Variants in WNT9A observed in about 807,000 individuals in gnomAD.
WNT9A encodes Wnt family member 9A, also known as protein Wnt-9a.
Under a neutral mutation model 31.4 loss-of-function variants are expected in WNT9A, and 8 were observed. The observed-to-expected ratio is 0.26, with a 90% CI of 0.15 to 0.46. The LOEUF is 0.46. WNT9A is among the 20% of genes least tolerant of loss of function. WNT9A has a pLI of 0.99. For synonymous variants in WNT9A, 236 were observed against 220.1 expected, an observed-to-expected ratio of 1.07 and a Z score of -0.64; for missense variants, 457 against 522.9, an observed-to-expected ratio of 0.87 and a Z score of 1.23.
intron 1 of WNT9A, chr1:227,941,579 A>G (rs1454503797): frequency 6.5e-6 from 1 of 154,310 alleles, no homozygotes; most frequent in Admixed American, 6.5e-5. Flanking sequence ...TCCTGCAAGA[A>G]GCAGCAGCTG....
intron 1 of WNT9A, among the ~76,000 whole-genome samples, chr1:227,944,068 CA>C: frequency 6.6e-6 from 1 of 152,110 alleles, no homozygotes; most frequent in East Asian, 1.9e-4. Flanking sequence ...CACACACACA[CA>C]AAACCTCACA....
Position 227,921,853 on chromosome 1 carries a change from T to C in WNT9A, c.763A>G (p.Ser255Gly), listed in dbSNP as rs1227290906. The C allele has an allele frequency of 1.2e-6, 2 of 1,613,010 alleles. No homozygotes were observed. The highest frequency in any genetic ancestry group is 1.3e-5 in the African/African-American group (1 of 74,928). The change falls in exon 4 of 4, where the codon AGC becomes GGC. Residue 255 changes from serine to glycine, a missense_variant. Transcript: ENST00000272164. ...HKYETALKVG[S>G]TTNEAAGEAG... ...TCGCCGGCAGCTTCATTGGTGGTGCTGCCCACCTTGAGTGCCGTCTCATAC... is the reference window on the plus strand; with the variant it reads ...TCGCCGGCAGCTTCATTGGTGGTGCCGCCCACCTTGAGTGCCGTCTCATAC...
chr1:227,924,002 C>G, intron 3 of WNT9A, 136 bp downstream of exon 3: 2 of 1,254,524 alleles, frequency 1.6e-6, no homozygotes, highest in Non-Finnish European at 2.2e-6. Flanking sequence ...CGGCCTCCAC[C>G]CTCCTACAGG....
At chr1:227,945,734 CT>C (rs1666784162) in intron 1 of WNT9A, among the ~76,000 whole-genome samples, 1 of 152,162 alleles carries the variant, frequency 6.6e-6, no homozygotes. Context: ...GGGCCACCCC[CT>C]GCCTTTGCTG....
At position 227,925,675 on chromosome 1, in the gene WNT9A, C is replaced by T. The variant is rs1666410303; in HGVS notation, c.96-156G>A. Among the ~76,000 whole-genome samples, 1 of 152,088 alleles carries T rather than the reference C, an allele frequency of 6.6e-6. No homozygotes were observed. Among genetic ancestry groups the T allele is most frequent in the Non-Finnish European group, 1.5e-5 (1 of 67,984 alleles). On this transcript the variant is annotated intron_variant, in intron 1 of 3. Transcript: ENST00000272164. The surrounding 1 kb of genome is among the most constrained non-coding windows in gnomAD (Gnocchi z 6.0). ...ATGAGCCAGGCAGGGGAGAGGGAGGCGAGAAGGGCCTTGGCCCCCTGCACA... is the reference window on the plus strand; with the variant it reads ...ATGAGCCAGGCAGGGGAGAGGGAGGTGAGAAGGGCCTTGGCCCCCTGCACA...
Position 227,921,802 on chromosome 1 carries a change from C to A in WNT9A, c.814G>T (p.Gly272Cys), listed in dbSNP as rs1023767938. The A allele has an allele frequency of 3.1e-6, 5 of 1,612,642 alleles. No individual in the cohort carries two copies. Among genetic ancestry groups the A allele is most frequent in the Non-Finnish European group, 3.4e-6 (4 of 1,179,806 alleles). Residue 272 changes from glycine to cysteine, a missense_variant, in exon 4 of 4, where the codon GGC becomes TGC. Coordinates refer to ENST00000272164, the MANE Select transcript of WNT9A (RefSeq NM_003395.4). ...GEAGAISPPR[G>C]RASGAGGSDP... The stretch of plus-strand genomic sequence containing the variant: ...CTGCCACCTGCCCCCGAGGCACGGC[C>A]CCGTGGTGGGGAGATGGCACCTGCC...
intron 1 of WNT9A, among the ~76,000 whole-genome samples, chr1:227,946,641 G>C (rs989191586): frequency 1.7e-4 from 26 of 152,256 alleles, no homozygotes; most frequent in African/African-American, 5.3e-4. Context: ...AAGAAAGGGA[G>C]AGAAAGAAAA....
intron 2 of WNT9A, among the ~76,000 whole-genome samples, chr1:227,924,876 G>A (rs963710362): frequency 6.6e-6 from 1 of 152,326 alleles, no homozygotes; most frequent in South Asian, 2.1e-4. Flanking sequence ...TGGGAGGGTG[G>A]CTGAAATAAG....
In WNT9A at chr1:227,921,623, C is replaced by T; in HGVS notation, c.993G>A (p.Gln331=). The T allele has an allele frequency of 6.2e-7, 1 of 1,613,468 alleles. No individual in the cohort carries two copies. Among genetic ancestry groups the T allele is most frequent in the East Asian group, 2.2e-5 (1 of 44,870 alleles). The change falls in exon 4 of 4, where the codon CAG becomes CAA. Residue 331 remains glutamine, a synonymous_variant. Coordinates refer to ENST00000272164, the MANE Select transcript of WNT9A (RefSeq NM_003395.4). ...GGCAGGGCCTTGTCACCACCCGGCT[C>T]TGTGTGTTATGGCCGCGGCCACAGC... The part of the protein sequence containing the change: ...SICCGRGHNT[Q]SRVVTRPCQC...
At chr1:227,937,225 G>C (rs187502520) in intron 1 of WNT9A, among the ~76,000 whole-genome samples, 1 of 152,206 alleles carries the variant, frequency 6.6e-6, no homozygotes, top group African/African-American at 2.4e-5. Flanking sequence ...CCTTCCTAGA[G>C]GCAGAGTGAG....
rs1337303400 is a variant in WNT9A at position 227,926,716 on chromosome 1, A to C, written c.96-1197T>G. ...TCACTGGACACATGACGACCAACCC[A>C]CCCCCAGCAGAGAACGGCAGACTCA... On this transcript the variant is annotated intron_variant, in intron 1 of 3. Coordinates refer to ENST00000272164, the MANE Select transcript of WNT9A (RefSeq NM_003395.4). This position sits in a 1 kb window ranked among gnomAD's most constrained non-coding sequence, Gnocchi z 5.0. 6.6e-6 allele frequency among the ~76,000 whole-genome samples: 1 copy of C among 150,786 alleles called. No individual in the cohort carries two copies. Among genetic ancestry groups the C allele is most frequent in the Non-Finnish European group, 1.5e-5 (1 of 67,728 alleles).
intron 3 of WNT9A, among the ~76,000 whole-genome samples, chr1:227,923,491 G>C (rs1418547440): frequency 6.6e-6 from 1 of 152,198 alleles, no homozygotes; most frequent in African/African-American, 2.4e-5. Context: ...CAGAGAGCCA[G>C]GGTCACCCCG....
At chr1:227,924,494 A>G in intron 2 of WNT9A, 94 bp from the exon 3 acceptor site, 1 of 1,471,670 alleles carries the variant, frequency 6.8e-7, no homozygotes, top group East Asian at 2.4e-5. Context: ...TATGAATCCC[A>G]TGTTGGGGCT....
At chr1:227,922,502 C>T (rs536084600) in intron 3 of WNT9A, among the ~76,000 whole-genome samples, 13 of 152,358 alleles carry the variant, frequency 8.5e-5, no homozygotes, top group Admixed American at 1.3e-4. Flanking sequence ...CACATGCAGA[C>T]GCGACCCCCA....
chr1:227,938,522 TACAC>T (rs554369526), intron 1 of WNT9A, among the ~76,000 whole-genome samples: 31 of 151,878 alleles, frequency 2.0e-4, no homozygotes, highest in Admixed American at 1.7e-3. Context: ...CACTCATGTG[TACAC>T]ACAGACACAC....
chr1:227,923,991 A>T, intron 3 of WNT9A, 147 bp downstream of exon 3: 1 of 1,167,130 alleles, frequency 8.6e-7, no homozygotes, highest in Non-Finnish European at 1.2e-6. Flanking sequence ...CTGGCGCTGC[A>T]CGGCCTCCAC....
At chr1:227,931,230 C>T (rs958312316) in intron 1 of WNT9A, among the ~76,000 whole-genome samples, 2 of 152,106 alleles carry the variant, frequency 1.3e-5, no homozygotes, top group Non-Finnish European at 2.9e-5. Flanking sequence ...TCTTCCTGGA[C>T]TCAACCTGGC....
chr1:227,925,512 C>G lies in WNT9A; in HGVS notation c.103G>C (p.Gly35Arg), dbSNP rs1211166608. ...RPSAAYFGLTGSEPLTILPLT... is the reference protein window; with the variant it reads ...RPSAAYFGLTRSEPLTILPLT... ...GGGAGGATGGTCAGGGGCTCGCTGC[C>G]CGTCAGCCTGGGCACAGAGAGGCCA... Residue 35 changes from glycine (G) to arginine (R), a missense_variant, in exon 2 of 4, where the codon GGC (glycine) becomes CGC (arginine). By Grantham distance (125) the Gly-to-Arg change is moderately radical. Transcript: ENST00000272164. This position sits in a 1 kb window ranked among gnomAD's most constrained non-coding sequence, Gnocchi z 6.0. The G allele has an allele frequency of 6.5e-7, 1 of 1,544,996 alleles. No individual in the cohort carries two copies. The highest frequency in any genetic ancestry group is 1.2e-5 in the South Asian group (1 of 83,988).
chr1:227,922,064 C>T, intron 3 of WNT9A, 64 bp from the exon 4 acceptor site: 1 of 1,536,694 alleles, frequency 6.5e-7, no homozygotes. Context: ...AGTGAGCAGA[C>T]CCTGCCCTGG....
Sources: allele counts gnomAD v4.1 joint callset (sites outside exome capture counted in the v4.1 genomes callset), GRCh38; gene constraint gnomAD v4.1.1; non-coding constraint Gnocchi (gnomAD v3.1); transcripts MANE v1.5; gene names NCBI Gene and HGNC (gene_info 2026-07-23, HGNC 2026-07-21).